UNC80: variants seen among roughly 807,000 people sequenced by gnomAD.
UNC80 encodes protein unc-80 homolog.
Under a neutral mutation model 384.6 loss-of-function variants are expected in UNC80, and 164 were observed. The ratio of observed to expected loss-of-function variants is 0.43; its 90% CI spans 0.38 to 0.49. UNC80 has a LOEUF of 0.49. Among genes scored for constraint, UNC80 ranks in the 20% least tolerant of loss-of-function variants. UNC80 has a pLI of 0.00. For missense variants in UNC80, 3,330 were observed against 4,143.0 expected (o/e 0.80, Z 5.39); for synonymous variants, 1,486 against 1,527.8 (o/e 0.97, Z 0.64).
intron 22 of UNC80, among the ~76,000 whole-genome samples, chr2:209,859,127 A>C (rs938720020): frequency 6.6e-6 from 1 of 152,178 alleles, no homozygotes; most frequent in African/African-American, 2.4e-5. Flanking sequence ...TTACATAGGT[A>C]TATGTGTGCC....
rs930778389 is a variant in UNC80, at chr2:209,904,816, T to C, written c.4633T>C (p.Tyr1545His). 1.4e-5 allele frequency: 22 copies of C among 1,551,872 alleles called. No homozygotes were observed. Among genetic ancestry groups the C allele is most frequent in the Non-Finnish European group, 1.9e-5 (22 of 1,147,058 alleles). Residue 1545 changes from tyrosine (Y) to histidine (H), a missense_variant, in exon 29 of 65, where the codon TAC becomes CAC. Tyr to His is a moderately conservative substitution (Grantham distance 83, BLOSUM62 2). This residue lies in a region of UNC80 where 801 missense variants were observed against 950.8 expected (regional missense o/e 0.84). Coordinates refer to ENST00000673920, the MANE Select transcript of UNC80 (RefSeq NM_001371986.1). ...QQSFICTHVD[Y>H]CHPHCYLHHS... ...GAGTTTCATCTGCACTCACGTTGAC[T>C]ACTGCCATCCCCACTGCTACCTGCA...
chr2:209,936,007 C>G (rs758960921), intron 40 of UNC80, among the ~76,000 whole-genome samples, 199 bp downstream of exon 40: 2 of 152,126 alleles, frequency 1.3e-5, no homozygotes, highest in Non-Finnish European at 2.9e-5. Flanking sequence ...TGACTTTAGT[C>G]AGTAAACTTT....
rs1450607361 is a variant in UNC80 at position 209,771,988 on chromosome 2, T to A, written c.-85T>A. The A allele has an allele frequency of 4.1e-6, 4 of 977,528 alleles. No homozygotes were observed. In the South Asian group the frequency reaches 5.5e-5, roughly 13 times the overall value. The allele number at this position is 977,528 out of a possible 1,614,324, so 60.6% of individuals were successfully genotyped here. A position where few individuals can be genotyped will look rare whatever the true frequency, so the allele number is the denominator to read the frequency against. ...GCCTCGGGGAAGGAGGGGATGAGAG[T>A]TGGGAGCAGCGGGAGGAGGCGGCGG... On this transcript the variant is annotated 5_prime_UTR_variant, in exon 1 of 65. The change creates a new upstream start codon in the 5' untranslated region. Transcript: ENST00000673920.
intron 22 of UNC80, among the ~76,000 whole-genome samples, chr2:209,857,082 G>A (rs1248502895): frequency 1.3e-5 from 2 of 152,058 alleles, no homozygotes; most frequent in South Asian, 2.1e-4. Context: ...AAGCCACCAC[G>A]CCTGGCCTGG....
At chr2:209,984,806 T>C in intron 60 of UNC80, 50 bp from the exon 61 acceptor site, 1 of 1,492,294 alleles carries the variant, frequency 6.7e-7, no homozygotes. Flanking sequence ...TTTTCTTTTT[T>C]TTTTTCATTT....
At chr2:209,922,187 CAAT>C (rs946519815) in intron 34 of UNC80, 62 bp from the exon 35 acceptor site, 49 of 1,523,118 alleles carry the variant, frequency 3.2e-5, no homozygotes, top group Non-Finnish European at 3.7e-5. Context: ...GATACAACAA[CAAT>C]GTGATAATAA....
chr2:209,995,329 A>G lies in UNC80; in HGVS notation c.9709A>G (p.Ser3237Gly). 6.4e-7 allele frequency: 1 copy of G among 1,552,142 alleles called. No homozygotes were observed. The highest frequency in any genetic ancestry group is 8.7e-7 in the Non-Finnish European group (1 of 1,147,084). ...ADLHSVSPKQ[S>G]ENFPTEEGEK... ...AATGTTATGATCCTTTTGATCACAG[A>G]GTGAGAACTTCCCCACTGAAGAAGG... Residue 3237 changes from serine (S) to glycine (G), a missense_variant and splice_region_variant, in exon 65 of 65, where the codon AGT becomes GGT. Coordinates refer to ENST00000673920, the MANE Select transcript of UNC80 (RefSeq NM_001371986.1).
In UNC80 at chr2:209,994,139, G is replaced by C; in HGVS notation, c.9583G>C (p.Ala3195Pro). ...PAAAPTDALPATGQLQGCSPA... is the reference protein window; with the variant it reads ...PAAAPTDALPPTGQLQGCSPA... ...AGCTGCCCCAACAGATGCGCTTCCTGCAACAGGCCAACTACAGGGCTGTAG... is the reference window on the plus strand; with the variant it reads ...AGCTGCCCCAACAGATGCGCTTCCTCCAACAGGCCAACTACAGGGCTGTAG... Residue 3195 changes from alanine to proline, a missense_variant, in exon 64 of 65, where the codon GCA becomes CCA. Physicochemically the swap from Ala to Pro is conservative, Grantham distance 27. Coordinates refer to ENST00000673920, the MANE Select transcript of UNC80 (RefSeq NM_001371986.1). The C allele has an allele frequency of 6.4e-7, 1 of 1,551,654 alleles. No homozygotes were observed. Among genetic ancestry groups the C allele is most frequent in the Non-Finnish European group, 8.7e-7 (1 of 1,146,988 alleles).
chr2:209,877,647 C>T (rs2084899498), intron 23 of UNC80, among the ~76,000 whole-genome samples: 2 of 152,144 alleles, frequency 1.3e-5, no homozygotes, highest in African/African-American at 4.8e-5. Context: ...TCCCTTGTAT[C>T]ATATCTATAA....
intron 22 of UNC80, among the ~76,000 whole-genome samples, chr2:209,865,530 A>T (rs2083676138): frequency 2.0e-5 from 3 of 149,940 alleles, no homozygotes; most frequent in South Asian, 4.2e-4. Context: ...TGAACCCGGG[A>T]GGCGGAGCTT....
At chr2:209,809,401 A>T in intron 7 of UNC80, 1 of 1,304,850 alleles carries the variant, frequency 7.7e-7, no homozygotes, top group Non-Finnish European at 1.1e-6. Context: ...CACTGGTGAG[A>T]AGCCCTTCTC....
At chr2:209,854,607 GA>G (rs533386313) in intron 22 of UNC80, among the ~76,000 whole-genome samples, 42 of 150,750 alleles carry the variant, frequency 2.8e-4, no homozygotes, top group African/African-American at 8.8e-4. Context: ...AAATTTACAA[GA>G]AAAAAAACAT....
chr2:209,982,482 C>T lies in UNC80; in HGVS notation c.9257+165C>T, dbSNP rs76094828. On this transcript the variant is annotated intron_variant, in intron 60 of 64. Transcript: ENST00000673920. ...TTGTCAACTAGGTTCCTGCAGGCAACACTTTGCAGTTTTCTAAGCCAAGCT... is the reference window on the plus strand; with the variant it reads ...TTGTCAACTAGGTTCCTGCAGGCAATACTTTGCAGTTTTCTAAGCCAAGCT... 4.6e-3 allele frequency: 4,005 copies of T among 867,808 alleles called. 140 individuals carry two copies. The African/African-American group carries it at 0.064, about 14-fold the overall frequency. The allele number at this position is 867,808 out of a possible 1,614,324, so 53.8% of individuals were successfully genotyped here. A position where few individuals can be genotyped will look rare whatever the true frequency, so the allele number is the denominator to read the frequency against.
chr2:209,969,256 T>C (rs532601187), intron 52 of UNC80: 3 of 153,350 alleles, frequency 2.0e-5, no homozygotes, highest in Admixed American at 1.9e-4. Context: ...AAAATACATA[T>C]CATGTCTTGG....
chr2:209,929,936 C>T lies in UNC80; in HGVS notation c.5872C>T (p.His1958Tyr). The change falls in exon 37 of 65, where the codon CAT becomes TAT. Residue 1958 changes from histidine to tyrosine, a missense_variant. By Grantham distance (83) the His-to-Tyr change is moderately conservative. This residue lies in a region of UNC80 where 1,049 missense variants were observed against 1,488.6 expected (regional missense o/e 0.70). Coordinates refer to ENST00000673920, the MANE Select transcript of UNC80 (RefSeq NM_001371986.1). ...TGAAGATCCATCAACGGTTCTTCGA[C>T]ATTTTCTGGAAAAACTGACCATCAG... is the stretch of plus-strand genomic sequence containing the variant. Reference protein sequence around the residue: ...LIEDPSTVLRHFLEKLTISNR... With the variant: ...LIEDPSTVLRYFLEKLTISNR... 1.3e-6 allele frequency: 2 copies of T among 1,540,284 alleles called. No individual in the cohort carries two copies. The highest frequency in any genetic ancestry group is 1.7e-6 in the Non-Finnish European group (2 of 1,143,008).
intron 49 of UNC80, among the ~76,000 whole-genome samples, 156 bp from the exon 50 acceptor site, chr2:209,958,963 A>G (rs1391427610): frequency 6.6e-6 from 1 of 152,222 alleles, no homozygotes; most frequent in Non-Finnish European, 1.5e-5. Flanking sequence ...AATGAAAGAT[A>G]AAGCCTTTAT....
chr2:209,945,248 T>C, intron 46 of UNC80, 59 bp downstream of exon 46: 1 of 1,508,262 alleles, frequency 6.6e-7, no homozygotes, highest in Non-Finnish European at 8.9e-7. Context: ...AATATAAATA[T>C]ATGTATTATA....
chr2:209,911,620 T>C (rs1410656155), intron 29 of UNC80, among the ~76,000 whole-genome samples: 1 of 152,246 alleles, frequency 6.6e-6, no homozygotes, highest in African/African-American at 2.4e-5. Context: ...TGAAGCTCTG[T>C]TCAAAAATTC....
rs772842442 is a variant in UNC80, at chr2:209,825,986, A to G, written c.2411A>G (p.Tyr804Cys). 13 of 1,550,948 alleles carry G rather than the reference A, an allele frequency of 8.4e-6. No individual in the cohort carries two copies. Among genetic ancestry groups the G allele is most frequent in the South Asian group, 2.4e-5 (2 of 83,974 alleles). ...ATAGTGAAGTCTTTGGGATGTGCCT[A>G]TGGTTGTGGTGAAGGACACCGAGGG... is the stretch of plus-strand genomic sequence containing the variant. ...IKIVKSLGCA[Y>C]GCGEGHRGLS... The change falls in exon 14 of 65, where the codon TAT (tyrosine) becomes TGT (cysteine). Residue 804 changes from tyrosine (Y) to cysteine (C), a missense_variant. This residue lies in a region of UNC80 where 937 missense variants were observed against 1,026.8 expected (regional missense o/e 0.91). Transcript: ENST00000673920.
Sources: gnomAD v4.1 joint callset for allele counts (sites outside exome capture counted in the v4.1 genomes callset) on GRCh38, gnomAD v4.1.1 for gene constraint, gnomAD v4.1.1 regional missense constraint, MANE v1.5 for transcripts, NCBI Gene and HGNC (gene_info 2026-07-23, HGNC 2026-07-21) for gene names.